Variants in ABCA5 observed in about 807,000 individuals in gnomAD.
ABCA5 encodes ATP binding cassette subfamily A member 5.
A neutral mutation model predicts 206.0 loss-of-function variants in ABCA5; 163 were observed. The observed-to-expected ratio is 0.79, with a 90% CI of 0.70 to 0.90. The LOEUF (loss-of-function observed/expected upper bound fraction) is 0.90. Among genes scored for constraint, ABCA5 ranks in the 40% least tolerant of loss-of-function variants. The pLI, the probability that ABCA5 is intolerant of heterozygous loss-of-function variation, is 0.00. For synonymous variants in ABCA5, 609 were observed against 613.8 expected (o/e 0.99, Z 0.11); for missense variants, 1,859 against 1,912.9 (o/e 0.97, Z 0.53).
rs540501344 is a variant in ABCA5, at chr17:69,283,409, A to T, written c.2392+544T>A. Among the ~76,000 whole-genome samples the T allele has an allele frequency of 7.2e-5, 11 of 152,256 alleles. No individual in the cohort carries two copies. The South Asian group carries it at 2.3e-3, about 32-fold the overall frequency. ...TTCAACAACCAGAACGTGTTTTTTT[A>T]AAAATTCAAATCAGATCATGGTACC... On this transcript the variant is annotated intron_variant, in intron 18 of 38. Transcript: ENST00000392676.
chr17:69,277,147 T>C (rs1413317986), intron 19 of ABCA5, among the ~76,000 whole-genome samples: 3 of 152,230 alleles, frequency 2.0e-5, no homozygotes, highest in African/African-American at 7.2e-5. Context: ...CTACTAGCTA[T>C]GTAGCCTTCT....
Position 69,247,532 on chromosome 17 carries a change from C to T in ABCA5, c.*5G>A. 2 of 1,577,844 alleles carry T rather than the reference C, an allele frequency of 1.3e-6. No homozygotes were observed. The highest frequency in any genetic ancestry group is 1.7e-6 in the Non-Finnish European group (2 of 1,160,866). On this transcript the variant is annotated 3_prime_UTR_variant, in exon 39 of 39. Coordinates refer to ENST00000392676, the MANE Select transcript of ABCA5 (RefSeq NM_172232.4). ...GTCCCAGTAAGCAGACCGAACAATACAAATTCAAAATACTACTCTATCTTC... is the reference window on the plus strand; with the variant it reads ...GTCCCAGTAAGCAGACCGAACAATATAAATTCAAAATACTACTCTATCTTC...
At chr17:69,282,130 CCT>C (rs544600276) in intron 18 of ABCA5, among the ~76,000 whole-genome samples, 129 of 152,326 alleles carry the variant, frequency 8.5e-4, no homozygotes, top group African/African-American at 2.9e-3. Context: ...CCCTCACCGT[CCT>C]CTGTTACCAA....
At chr17:69,257,477 T>A (rs1324113480) in intron 28 of ABCA5, among the ~76,000 whole-genome samples, 1 of 152,066 alleles carries the variant, frequency 6.6e-6, no homozygotes, top group African/African-American at 2.4e-5. Context: ...GTTATCTTAT[T>A]GAAAATAGTA....
At chr17:69,263,382 A>G (rs1289049784) in intron 24 of ABCA5, among the ~76,000 whole-genome samples, 2 of 152,132 alleles carry the variant, frequency 1.3e-5, no homozygotes, top group Admixed American at 6.5e-5. Context: ...TAAATCTTTA[A>G]TCCATCTTGA....
chr17:69,294,768 G>T, intron 10 of ABCA5, 55 bp from the exon 11 acceptor site: 1 of 1,183,254 alleles, frequency 8.5e-7, no homozygotes. Flanking sequence ...AAGTATGTGT[G>T]TTTATTTACC....
chr17:69,318,867 G>A (rs1178871823), intron 1 of ABCA5: 2 of 703,190 alleles, frequency 2.8e-6, no homozygotes, highest in East Asian at 5.4e-5. Flanking sequence ...ATAGATTAAT[G>A]TGTGGAGATG....
At chr17:69,319,887 T>C (rs139044446) in intron 1 of ABCA5, among the ~76,000 whole-genome samples, 3 of 152,228 alleles carry the variant, frequency 2.0e-5, no homozygotes, top group East Asian at 3.8e-4. Context: ...CAAAGTAGTA[T>C]AGGTTAAGAG....
At chr17:69,277,390 A>G (rs2075344966) in intron 19 of ABCA5, among the ~76,000 whole-genome samples, 1 of 152,216 alleles carries the variant, frequency 6.6e-6, no homozygotes, top group African/African-American at 2.4e-5. Context: ...AAAAAATTAT[A>G]CAATTAGGGA....
intron 34 of ABCA5, among the ~76,000 whole-genome samples, chr17:69,253,074 T>C (rs1028692779): frequency 2.1e-4 from 32 of 152,144 alleles, no homozygotes; most frequent in African/African-American, 7.2e-4. Flanking sequence ...CTAGGAGTAA[T>C]AGGCTATACC....
At chr17:69,277,030 T>C (rs2075340070) in intron 19 of ABCA5, among the ~76,000 whole-genome samples, 1 of 152,202 alleles carries the variant, frequency 6.6e-6, no homozygotes, top group Non-Finnish European at 1.5e-5. Context: ...GTGTGTGGTA[T>C]ATGAAAGTGG....
intron 3 of ABCA5, among the ~76,000 whole-genome samples, chr17:69,310,833 T>C (rs1259624235): frequency 6.6e-6 from 1 of 152,238 alleles, no homozygotes; most frequent in African/African-American, 2.4e-5. Flanking sequence ...TGTCCTCATC[T>C]ACAATGCCTA....
chr17:69,267,067 G>A (rs113149261), intron 23 of ABCA5, among the ~76,000 whole-genome samples: 2,335 of 151,868 alleles, frequency 0.015, 50 homozygotes, highest in African/African-American at 0.054. Flanking sequence ...TAGAGACGGG[G>A]TTTCTCCATG....
rs1474004162 is a variant in ABCA5 at position 69,261,736 on chromosome 17, T to C, written c.3328A>G (p.Ile1110Val). The change falls in exon 25 of 39, where the codon ATT becomes GTT. Residue 1110 changes from isoleucine to valine, a missense_variant. Physicochemically the swap from Ile to Val is conservative, Grantham distance 29 (BLOSUM62 3). Transcript: ENST00000392676. ...AGAATAACTGATGGAACATAACCAA[T>C]AAGGCAAAAAACCTGTAAATCAGAA... ...VKFLAVVFCL[I>V]GYVPSVILFT... 8 of 1,445,884 alleles carry C rather than the reference T, an allele frequency of 5.5e-6. No individual in the cohort carries two copies. The highest frequency in any genetic ancestry group is 3.0e-5 in the African/African-American group (2 of 67,422). The allele number at this position is 1,445,884 out of a possible 1,614,324, so 89.6% of individuals were successfully genotyped here.
chr17:69,285,320 TA>T (rs11362790), intron 17 of ABCA5: 139,514 of 151,230 alleles, frequency 0.92, 65,122 homozygotes, highest in East Asian at 1. Flanking sequence ...GATTTCTTTT[TA>T]AAAAAAAAAC....
At chr17:69,271,096 T>G in intron 21 of ABCA5, 66 bp downstream of exon 21, 1 of 1,526,048 alleles carries the variant, frequency 6.6e-7, no homozygotes, top group Non-Finnish European at 8.7e-7. Flanking sequence ...AATAATTAAT[T>G]TTAGAAGAAA....
chr17:69,323,763 C>T (rs962409171), intron 1 of ABCA5, among the ~76,000 whole-genome samples: 35 of 152,126 alleles, frequency 2.3e-4, no homozygotes, highest in African/African-American at 8.4e-4. Flanking sequence ...TCAAGGCTTC[C>T]TGAGAGTCCT....
intron 23 of ABCA5, 34 bp downstream of exon 23, chr17:69,267,909 T>C: frequency 7.9e-7 from 1 of 1,267,138 alleles, no homozygotes; most frequent in Non-Finnish European, 1.1e-6. Context: ...ACACTTCTTA[T>C]TAGCAAATTA....
At chr17:69,309,165 A>T (rs1005072040) in intron 4 of ABCA5, 97 bp downstream of exon 4, 1 of 954,478 alleles carries the variant, frequency 1.0e-6, no homozygotes, top group African/African-American at 1.7e-5. Flanking sequence ...AATAGTTGAA[A>T]ATGCCAATAT....
Sources: gnomAD v4.1 joint callset for allele counts (sites outside exome capture counted in the v4.1 genomes callset) on GRCh38, gnomAD v4.1.1 for gene constraint, MANE v1.5 for transcripts, NCBI Gene and HGNC (gene_info 2026-07-23, HGNC 2026-07-21) for gene names.